Variants in BICD1 observed in about 807,000 individuals in gnomAD.
BICD1 encodes the protein protein bicaudal D homolog 1.
A neutral mutation model predicts 92.5 loss-of-function variants in BICD1; 35 were observed. The observed-to-expected ratio is 0.38, with a 90% CI of 0.29 to 0.50. The LOEUF (loss-of-function observed/expected upper bound fraction) is 0.50. Among genes scored for constraint, BICD1 ranks in the 20% least tolerant of loss-of-function variants. The probability of loss-of-function intolerance (pLI) is 0.93; values close to 1 mark genes in which losing one functional copy is unlikely to be tolerated. For synonymous variants in BICD1, 429 were observed against 465.1 expected, an observed-to-expected ratio of 0.92 and a Z score of 1.00; for missense variants, 950 against 1,189.8, an observed-to-expected ratio of 0.80 and a Z score of 2.97.
chr12:32,241,749 C>G (rs1946240831), intron 2 of BICD1, among the ~76,000 whole-genome samples: 1 of 152,140 alleles, frequency 6.6e-6, no homozygotes, highest in South Asian at 2.1e-4. Context: ...GACAGACTTT[C>G]CCCAGTGTAT....
At chr12:32,262,974 T>C (rs1459792037) in intron 2 of BICD1, among the ~76,000 whole-genome samples, 1 of 150,212 alleles carries the variant, frequency 6.7e-6, no homozygotes, top group Non-Finnish European at 1.5e-5. Context: ...TGAAATCTCG[T>C]CTCTATTGAA....
intron 2 of BICD1, among the ~76,000 whole-genome samples, chr12:32,241,258 CTG>C (rs1486151212): frequency 2.0e-5 from 3 of 152,230 alleles, no homozygotes; most frequent in African/African-American, 7.2e-5. Flanking sequence ...AGCACCTACT[CTG>C]TGCAAACGCT....
intron 1 of BICD1, among the ~76,000 whole-genome samples, chr12:32,170,967 C>G (rs542005451): frequency 1.3e-5 from 2 of 152,122 alleles, no homozygotes; most frequent in South Asian, 2.1e-4. Context: ...TGTGACCTGA[C>G]CTTCAAATAT....
chr12:32,130,281 G>C (rs927756588), intron 1 of BICD1, among the ~76,000 whole-genome samples: 2 of 151,272 alleles, frequency 1.3e-5, no homozygotes, highest in African/African-American at 4.9e-5. Flanking sequence ...TCGGCTCACT[G>C]CAAGCTCCGC....
At chr12:32,356,928 C>T (rs1400823047) in intron 8 of BICD1, among the ~76,000 whole-genome samples, 1 of 152,100 alleles carries the variant, frequency 6.6e-6, no homozygotes, top group Non-Finnish European at 1.5e-5. Flanking sequence ...TCCCCCAGTA[C>T]CACTGTTTTG....
rs759049952 is a variant in BICD1 at position 32,327,799 on chromosome 12, C to T, written c.1344C>T (p.Tyr448=). The T allele has an allele frequency of 1.9e-6, 3 of 1,614,072 alleles. No homozygotes were observed. Among genetic ancestry groups the T allele is most frequent in the Non-Finnish European group, 1.7e-6 (2 of 1,180,020 alleles). The change falls in exon 5 of 10, where the codon TAC becomes TAT. Residue 448 remains tyrosine, a synonymous_variant. Transcript: ENST00000652176. ...AATATAATAAATCTGTAGAAAACTA[C>T]ACTGATGAGAAGGCCAAGTATGAGA... ...KEKYNKSVEN[Y]TDEKAKYESK...
In BICD1 at chr12:32,225,628, T is replaced by G. The variant is rs200362677; in HGVS notation, c.426+9169T>G. ...TGACAGTTCTTTTTTTCTGTTTTTT[T>G]TTTTTTTTTTTTTAGACGGAGTTTT... is the stretch of plus-strand genomic sequence containing the variant. On this transcript the variant is annotated intron_variant, in intron 2 of 9. Transcript: ENST00000652176. 2.7e-4 allele frequency among the ~76,000 whole-genome samples: 38 copies of G among 138,408 alleles called. 1 individual carries two copies. Among genetic ancestry groups the G allele is most frequent in the Admixed American group, 4.5e-4 (6 of 13,378 alleles). The allele number at this position is 138,408 out of a possible 152,430, so 90.8% of individuals were successfully genotyped here. A position where few individuals can be genotyped will look rare whatever the true frequency, so the allele number is the denominator to read the frequency against.
intron 1 of BICD1, among the ~76,000 whole-genome samples, chr12:32,158,973 G>T (rs911519120): frequency 1.3e-5 from 2 of 151,888 alleles, no homozygotes; most frequent in East Asian, 1.9e-4. Context: ...TCGCTCTGTC[G>T]CCCAGGCTGG....
Position 32,328,155 on chromosome 12 carries a change from G to T in BICD1, c.1700G>T (p.Gly567Val), listed in dbSNP as rs751383007. The T allele has an allele frequency of 6.8e-6, 11 of 1,614,176 alleles. No homozygotes were observed. The highest frequency in any genetic ancestry group is 6.6e-5 in the South Asian group (6 of 91,088). ...GLLSPRLARR[G>V]VSSPVETRTS... ...TTGTCCCCACGATTAGCCAGGCGGGGTGTGTCATCCCCGGTAGAAACAAGG... is the reference window on the plus strand; with the variant it reads ...TTGTCCCCACGATTAGCCAGGCGGGTTGTGTCATCCCCGGTAGAAACAAGG... The change falls in exon 5 of 10, where the codon GGT becomes GTT. Residue 567 changes from glycine to valine, a missense_variant. Physicochemically the swap from Gly to Val is moderately radical, Grantham distance 109. Around this residue, in one of 5 missense-constraint regions of BICD1, gnomAD observed 309 missense variants for 499.4 expected, o/e 0.62. Transcript: ENST00000652176. This position sits in a 1 kb window ranked among gnomAD's most constrained non-coding sequence, Gnocchi z 4.4.
In BICD1 at chr12:32,185,716, A is replaced by G. The variant is rs147176413; in HGVS notation, c.214-30531A>G. 2.9e-3 allele frequency among the ~76,000 whole-genome samples: 444 copies of G among 152,310 alleles called. 1 individual carries two copies. The highest frequency in any genetic ancestry group is 4.9e-3 in the Non-Finnish European group (336 of 68,026). ...CCTGGCATCAATGACGCAGGGATCT[A>G]TAGTCCTTTTATGCTGAGGGGTGGT... On this transcript the variant is annotated intron_variant, in intron 1 of 9. Transcript: ENST00000652176.
At chr12:32,169,906 A>G (rs1943886575) in intron 1 of BICD1, among the ~76,000 whole-genome samples, 1 of 152,172 alleles carries the variant, frequency 6.6e-6, no homozygotes, top group Non-Finnish European at 1.5e-5. Context: ...CCCAAGATAC[A>G]CTTTCACCAA....
chr12:32,268,013 C>G (rs1947044856), intron 2 of BICD1, among the ~76,000 whole-genome samples: 1 of 152,184 alleles, frequency 6.6e-6, no homozygotes, highest in Non-Finnish European at 1.5e-5. Flanking sequence ...CTGTGTAGCC[C>G]AGACTGGCCT....
chr12:32,282,525 G>T (rs1947447449), intron 2 of BICD1, among the ~76,000 whole-genome samples: 1 of 152,108 alleles, frequency 6.6e-6, no homozygotes, highest in African/African-American at 2.4e-5. Context: ...GCTCTTTCAA[G>T]GAGGTCAGGG....
At chr12:32,244,610 A>C (rs1048148445) in intron 2 of BICD1, among the ~76,000 whole-genome samples, 5 of 150,584 alleles carry the variant, frequency 3.3e-5, no homozygotes, top group Non-Finnish European at 5.9e-5. Context: ...CTTAAGTCTT[A>C]GTTTTCTCTT....
chr12:32,164,112 G>A (rs1943681551), intron 1 of BICD1, among the ~76,000 whole-genome samples: 1 of 152,102 alleles, frequency 6.6e-6, no homozygotes, highest in Admixed American at 6.5e-5. Flanking sequence ...AACGAACTTA[G>A]AAGTGGCATA....
At chr12:32,152,349 A>G (rs1170004471) in intron 1 of BICD1, among the ~76,000 whole-genome samples, 1 of 151,858 alleles carries the variant, frequency 6.6e-6, no homozygotes, top group Non-Finnish European at 1.5e-5. Context: ...CCTGGGCTCA[A>G]GTGATCCTCC....
chr12:32,120,375 A>G (rs1942099210), intron 1 of BICD1, among the ~76,000 whole-genome samples: 1 of 152,220 alleles, frequency 6.6e-6, no homozygotes, highest in Non-Finnish European at 1.5e-5. Context: ...AGCAATAGCA[A>G]TATGTGTACA....
chr12:32,226,642 C>G (rs1945704676), intron 2 of BICD1, among the ~76,000 whole-genome samples: 1 of 152,164 alleles, frequency 6.6e-6, no homozygotes, highest in African/African-American at 2.4e-5. Flanking sequence ...CCCACAGGGC[C>G]AGGCCAGGAC....
chr12:32,231,131 G>A (rs191593846), intron 2 of BICD1, among the ~76,000 whole-genome samples: 107 of 152,224 alleles, frequency 7.0e-4, no homozygotes, highest in African/African-American at 2.4e-3. Context: ...ATTTTGGGGA[G>A]ATGATAAGGA....
Sources: gnomAD v4.1 joint callset for allele counts (sites outside exome capture counted in the v4.1 genomes callset) on GRCh38, gnomAD v4.1.1 for gene constraint, gnomAD v4.1.1 regional missense constraint, Gnocchi (gnomAD v3.1) non-coding constraint, MANE v1.5 for transcripts, NCBI Gene and HGNC (gene_info 2026-07-23, HGNC 2026-07-21) for gene names.